Variants in PANK3 observed in about 807,000 individuals in gnomAD.
The protein encoded by PANK3 is pantothenate kinase 3.
A neutral mutation model predicts 39.4 loss-of-function variants in PANK3; 20 were observed. That is an observed-to-expected ratio of 0.51 (90% CI 0.36 to 0.74). The LOEUF is 0.74. PANK3 is among the 30% of genes least tolerant of loss of function. PANK3 has a pLI of 0.00. For missense variants in PANK3, 265 were observed against 437.0 expected, an observed-to-expected ratio of 0.61 and a Z score of 3.51; for synonymous variants, 140 against 157.3, an observed-to-expected ratio of 0.89 and a Z score of 0.82.
intron 2 of PANK3, among the ~76,000 whole-genome samples, chr5:168,566,546 T>G (rs1215082829): frequency 6.6e-6 from 1 of 152,132 alleles, no homozygotes; most frequent in African/African-American, 2.4e-5. Context: ...CTTTAATGGG[T>G]GTGACATTTC....
chr5:168,557,841 T>G (rs1323851290), intron 6 of PANK3, among the ~76,000 whole-genome samples: 1 of 152,218 alleles, frequency 6.6e-6, no homozygotes, highest in East Asian at 1.9e-4. Flanking sequence ...ATTATTATTT[T>G]TAGAGACATG....
At chr5:168,573,928 T>G (rs1229134388) in intron 1 of PANK3, among the ~76,000 whole-genome samples, 2 of 152,176 alleles carry the variant, frequency 1.3e-5, no homozygotes, top group African/African-American at 4.8e-5. Flanking sequence ...TGTTGGACAC[T>G]TGGGTTGGTT....
At chr5:168,561,340 G>C in intron 5 of PANK3, 53 bp downstream of exon 5, 1 of 1,501,324 alleles carries the variant, frequency 6.7e-7, no homozygotes, top group Admixed American at 2.0e-5. Flanking sequence ...GTGTATATAG[G>C]ACTCCAATTC....
At chr5:168,570,942 T>A (rs1047193271) in intron 1 of PANK3, among the ~76,000 whole-genome samples, 1 of 152,156 alleles carries the variant, frequency 6.6e-6, no homozygotes, top group African/African-American at 2.4e-5. Context: ...AAAAATGGTA[T>A]AGACCATTTA....
intron 3 of PANK3, among the ~76,000 whole-genome samples, chr5:168,564,568 G>C (rs1353389264): frequency 1.3e-5 from 2 of 152,028 alleles, no homozygotes; most frequent in Non-Finnish European, 2.9e-5. Flanking sequence ...GCAGCAGCTA[G>C]ACTACAATGC....
At chr5:168,565,871 ATATAT>A (rs1759519425) in intron 3 of PANK3, 137 bp downstream of exon 3, 3 of 158,724 alleles carry the variant, frequency 1.9e-5, no homozygotes, top group Non-Finnish European at 3.4e-5. Context: ...AAAAAAAAAT[ATATAT>A]ATATATATAT....
chr5:168,570,068 G>T (rs1043475305), intron 1 of PANK3, among the ~76,000 whole-genome samples: 1 of 151,802 alleles, frequency 6.6e-6, no homozygotes, highest in African/African-American at 2.4e-5. Context: ...AACCCAAAAA[G>T]CAATTCCCTT....
chr5:168,575,699 T>A (rs770368357), intron 1 of PANK3, among the ~76,000 whole-genome samples: 1 of 151,958 alleles, frequency 6.6e-6, no homozygotes, highest in African/African-American at 2.4e-5. Context: ...GGGGGGAGGA[T>A]TGCTTGAGCC....
At chr5:168,559,297 C>A in intron 5 of PANK3, 140 bp from the exon 6 acceptor site, 1 of 537,590 alleles carries the variant, frequency 1.9e-6, no homozygotes, top group Non-Finnish European at 3.1e-6. Context: ...CTACTACATT[C>A]CTGGCATATA....
intron 1 of PANK3, among the ~76,000 whole-genome samples, chr5:168,573,849 A>C (rs1394026176): frequency 2.0e-5 from 3 of 152,048 alleles, no homozygotes; most frequent in Admixed American, 2.0e-4. Context: ...ACATGAACTC[A>C]TCCTTTTTTA....
intron 1 of PANK3, among the ~76,000 whole-genome samples, chr5:168,578,919 G>A (rs1330080289): frequency 6.6e-6 from 1 of 152,164 alleles, no homozygotes; most frequent in Non-Finnish European, 1.5e-5. Context: ...TGACAGCCGC[G>A]ACCGCCTCTT....
At chr5:168,571,731 C>T (rs1005983475) in intron 1 of PANK3, among the ~76,000 whole-genome samples, 1 of 152,098 alleles carries the variant, frequency 6.6e-6, no homozygotes, top group African/African-American at 2.4e-5. Flanking sequence ...TACATTTCTC[C>T]ATTTTATAAT....
At position 168,548,571 on chromosome 5, in the gene PANK3, C is replaced by G. The variant is rs1759228585; in HGVS notation, c.*9000G>C. On this transcript the variant is annotated 3_prime_UTR_variant, in exon 7 of 7. Coordinates refer to ENST00000239231, the MANE Select transcript of PANK3 (RefSeq NM_024594.4). ...TTCTAACATCTATTTAGAATATGAA[C>G]AAAATTAGAAATGGTTAAACTACAG... 6.6e-6 allele frequency: 1 copy of G among 151,722 alleles called. No individual in the cohort carries two copies. The highest frequency in any genetic ancestry group is 2.4e-5 in the African/African-American group (1 of 41,288). 9.4% of individuals were successfully genotyped at this position (151,722 alleles called of 1,614,324 possible). A position where few individuals can be genotyped will look rare whatever the true frequency, so the allele number is the denominator to read the frequency against.
chr5:168,579,126 CT>C, intron 1 of PANK3, 129 bp downstream of exon 1: 1 of 767,736 alleles, frequency 1.3e-6, no homozygotes, highest in Non-Finnish European at 1.9e-6. Flanking sequence ...CAAATGGTCC[CT>C]CCGCCCCCAT....
intron 2 of PANK3, 71 bp downstream of exon 2, chr5:168,568,575 T>C: frequency 8.7e-7 from 1 of 1,152,912 alleles, no homozygotes; most frequent in Non-Finnish European, 1.2e-6. Flanking sequence ...TTAAGGAACA[T>C]GCTAGATGGA....
chr5:168,568,660 T>C lies in PANK3; in HGVS notation c.367A>G (p.Lys123Glu), dbSNP rs1335482974. Residue 123 changes from lysine (K) to glutamate (E), a missense_variant, in exon 2 of 7, where the codon AAA (lysine) becomes GAA (glutamate). Lys to Glu is a moderately conservative substitution (Grantham distance 56). Coordinates refer to ENST00000239231, the MANE Select transcript of PANK3 (RefSeq NM_024594.4). ...ATGGGAYKFE[K>E]DFRTIGNLHL... ...AAGATACCTACTGTGCGAAAATCTT[T>C]TTCAAACTTGTAAGCACCACCTCCT... 6.2e-7 allele frequency: 1 copy of C among 1,604,660 alleles called. No individual in the cohort carries two copies. The highest frequency in any genetic ancestry group is 8.5e-7 in the Non-Finnish European group (1 of 1,175,564).
rs1292867383 is a variant in PANK3 at position 168,569,028 on chromosome 5, A to ATATAT, written c.29-31_29-30insATATA. On this transcript the variant is annotated intron_variant, in intron 1 of 6. Coordinates refer to ENST00000239231, the MANE Select transcript of PANK3 (RefSeq NM_024594.4). The stretch of plus-strand genomic sequence containing the variant: ...GGGAGGAAAAAAAAAAAAAAAAAAA[A>ATATAT]AAATATATATATATATATATATCCA... 410 of 254,946 alleles carry ATATAT rather than the reference A, an allele frequency of 1.6e-3. 1 individual carries two copies. The African/African-American group carries it at 0.017, about 11-fold the overall frequency. The allele number at this position is 254,946 out of a possible 1,614,324, so 15.8% of individuals were successfully genotyped here. A position where few individuals can be genotyped will look rare whatever the true frequency, so the allele number is the denominator to read the frequency against.
At chr5:168,574,678 T>C (rs1373969788) in intron 1 of PANK3, among the ~76,000 whole-genome samples, 2 of 152,068 alleles carry the variant, frequency 1.3e-5, no homozygotes, top group African/African-American at 4.8e-5. Context: ...CTGGGCAACA[T>C]GGTGAAACCT....
rs1759400352 is a variant in PANK3 at position 168,559,047 on chromosome 5, C to A, written c.1047G>T (p.Leu349Phe). The A allele has an allele frequency of 6.2e-7, 1 of 1,608,166 alleles. No homozygotes were observed. The highest frequency in any genetic ancestry group is 8.5e-7 in the Non-Finnish European group (1 of 1,176,854). Residue 349 changes from leucine (L) to phenylalanine (F), a missense_variant, in exon 6 of 7, where the codon TTG becomes TTT. Leu to Phe is a conservative substitution (Grantham distance 22). Transcript: ENST00000239231. ...DYWSKGQLKA[L>F]FLEHEGYFGA... The stretch of plus-strand genomic sequence containing the variant: ...CCTACCATACCTCATGTTCTAGAAA[C>A]AATGCTTTTAGTTGACCTTTTGACC...
Sources: gnomAD v4.1 joint callset for allele counts (sites outside exome capture counted in the v4.1 genomes callset) on GRCh38, gnomAD v4.1.1 for gene constraint, MANE v1.5 for transcripts, NCBI Gene and HGNC (gene_info 2026-07-23, HGNC 2026-07-21) for gene names.